MAP4: variants seen among roughly 807,000 people sequenced by gnomAD.
MAP4 encodes microtubule associated protein 4.
In MAP4, 76 loss-of-function variants were observed where a neutral mutation model predicts 170.2. The observed-to-expected ratio is 0.45, with a 90% CI of 0.37 to 0.54. The LOEUF (loss-of-function observed/expected upper bound fraction) is 0.54. Ranked by LOEUF, MAP4 falls within the 20% of genes least tolerant of loss-of-function variation. The probability of loss-of-function intolerance (pLI) is 0.00; values close to 1 mark genes in which losing one functional copy is unlikely to be tolerated. For missense variants in MAP4, 2,506 were observed against 2,748.0 expected, an observed-to-expected ratio of 0.91 and a Z score of 1.97; for synonymous variants, 909 against 994.5, an observed-to-expected ratio of 0.91 and a Z score of 1.62.
intron 1 of MAP4, among the ~76,000 whole-genome samples, chr3:48,080,651 G>C (rs374930761): frequency 6.6e-6 from 1 of 152,008 alleles, no homozygotes; most frequent in Non-Finnish European, 1.5e-5. Flanking sequence ...ATTCAAGACC[G>C]GCCTGAGCAA....
intron 1 of MAP4, among the ~76,000 whole-genome samples, chr3:48,077,213 T>C (rs7618163): frequency 0.74 from 112,568 of 151,954 alleles, 42,179 homozygotes; most frequent in African/African-American, 0.87. Context: ...GAGGCGGAGG[T>C]GGGCAGATCA....
At chr3:48,044,034 T>TG (rs751855165) in intron 1 of MAP4, among the ~76,000 whole-genome samples, 30 of 150,170 alleles carry the variant, frequency 2.0e-4, no homozygotes, top group Non-Finnish European at 3.9e-4. Context: ...TTAGTAGAGA[T>TG]GGGGTTTCAC....
At chr3:47,936,976 G>A (rs776183958) in intron 3 of MAP4, among the ~76,000 whole-genome samples, 11 of 116,950 alleles carry the variant, frequency 9.4e-5, no homozygotes, top group East Asian at 2.4e-4. Flanking sequence ...GCGAAACTCC[G>A]TCTCAAAAAA....
At chr3:47,901,184 A>G (rs79147327) in intron 10 of MAP4, among the ~76,000 whole-genome samples, 1 of 152,288 alleles carries the variant, frequency 6.6e-6, no homozygotes, top group East Asian at 1.9e-4. Context: ...TCTGCTCTGT[A>G]TTTCCATAGG....
At chr3:48,071,976 T>C (rs963180010) in intron 1 of MAP4, among the ~76,000 whole-genome samples, 2 of 152,000 alleles carry the variant, frequency 1.3e-5, no homozygotes, top group Non-Finnish European at 2.9e-5. Flanking sequence ...ACCCTAGCAT[T>C]TTGGGAGGCC....
At chr3:47,989,626 T>C (rs957971195) in intron 2 of MAP4, among the ~76,000 whole-genome samples, 3 of 152,116 alleles carry the variant, frequency 2.0e-5, no homozygotes, top group African/African-American at 7.2e-5. Flanking sequence ...CTACTATACA[T>C]ACAACACCTC....
intron 10 of MAP4, among the ~76,000 whole-genome samples, chr3:47,900,721 G>A (rs956014176): frequency 1.3e-5 from 2 of 152,212 alleles, no homozygotes; most frequent in East Asian, 1.9e-4. Context: ...GGGCTACAGA[G>A]GGAGACTGTC....
chr3:47,999,452 T>G (rs1366334980), intron 1 of MAP4, among the ~76,000 whole-genome samples: 1 of 152,084 alleles, frequency 6.6e-6, no homozygotes, highest in Non-Finnish European at 1.5e-5. Flanking sequence ...GTCACGTATA[T>G]TACCATTTTT....
At chr3:47,915,670 T>A (rs546510347) in intron 7 of MAP4, among the ~76,000 whole-genome samples, 10 of 152,116 alleles carry the variant, frequency 6.6e-5, no homozygotes, top group African/African-American at 2.4e-4. Flanking sequence ...ATACAAGTAG[T>A]TGGGTAGATA....
At chr3:48,019,382 A>T (rs938998910), upstream of MAP4, among the ~76,000 whole-genome samples, 6 of 152,128 alleles carry the variant, frequency 3.9e-5, no homozygotes, top group African/African-American at 1.4e-4. Context: ...ATCAGCCACT[A>T]CCATCATGTT....
intron 1 of MAP4, among the ~76,000 whole-genome samples, chr3:48,052,907 T>G (rs2100128676): frequency 1.3e-5 from 2 of 152,174 alleles, no homozygotes; most frequent in Non-Finnish European, 2.9e-5. Context: ...ATATGTTCAA[T>G]AACACATCTC....
intron 3 of MAP4, chr3:47,973,697 A>ACAGG (rs2100080203): frequency 1.0e-6 from 1 of 985,292 alleles, no homozygotes; most frequent in African/African-American, 1.7e-5. Flanking sequence ...CCCATAACTT[A>ACAGG]GACAGCTACA....
At chr3:48,009,475 G>A (rs1458151972) in intron 1 of MAP4, among the ~76,000 whole-genome samples, 2 of 152,332 alleles carry the variant, frequency 1.3e-5, no homozygotes, top group East Asian at 3.9e-4. Flanking sequence ...TCACTTTACA[G>A]CTAAAGAAGT....
In MAP4 at chr3:47,920,973, C is replaced by T. The variant is rs892370451; in HGVS notation, c.529+792G>A. The stretch of plus-strand genomic sequence containing the variant: ...AGGAGTTCAAGACCAGCCTGGGCAA[C>T]GTGACAAAACCCCATCTCTACAAAA... On this transcript the variant is annotated intron_variant, in intron 5 of 20. Coordinates refer to ENST00000683076, the MANE Select transcript of MAP4 (RefSeq NM_001385682.1). 5.3e-5 allele frequency among the ~76,000 whole-genome samples: 8 copies of T among 152,110 alleles called. No individual in the cohort carries two copies. The South Asian group carries it at 8.3e-4, about 16-fold the overall frequency.
At chr3:48,047,477 T>C (rs1049402743) in intron 1 of MAP4, among the ~76,000 whole-genome samples, 2 of 151,986 alleles carry the variant, frequency 1.3e-5, no homozygotes, top group Admixed American at 1.3e-4. Flanking sequence ...GAGGAAGCCA[T>C]GGTGGCTGAA....
intron 1 of MAP4, among the ~76,000 whole-genome samples, chr3:48,063,388 A>G (rs1200995921): frequency 1.3e-5 from 2 of 151,400 alleles, no homozygotes; most frequent in Non-Finnish European, 2.9e-5. Flanking sequence ...TGAACAACAT[A>G]GCGAGACCTG....
intron 3 of MAP4, among the ~76,000 whole-genome samples, chr3:47,954,183 G>C (rs2100066322): frequency 6.6e-6 from 1 of 152,084 alleles, no homozygotes; most frequent in South Asian, 2.1e-4. Context: ...AAACATTTTA[G>C]GTTTTACAGT....
intron 1 of MAP4, among the ~76,000 whole-genome samples, chr3:48,009,725 G>A (rs927215821): frequency 6.6e-6 from 1 of 152,132 alleles, no homozygotes; most frequent in Non-Finnish European, 1.5e-5. Context: ...TCCAGGAATC[G>A]AGGGGTGGAA....
At chr3:48,077,052 T>C (rs938895697) in intron 1 of MAP4, among the ~76,000 whole-genome samples, 1 of 151,910 alleles carries the variant, frequency 6.6e-6, no homozygotes, top group African/African-American at 2.4e-5. Flanking sequence ...AAGGCTGAGG[T>C]GGAAGAATCA....
Sources: allele counts gnomAD v4.1 joint callset (sites outside exome capture counted in the v4.1 genomes callset), GRCh38; gene constraint gnomAD v4.1.1; transcripts MANE v1.5; gene names NCBI Gene and HGNC (gene_info 2026-07-23, HGNC 2026-07-21).